The following RASGRP3 variants were observed in gnomAD, a reference collection of about 807,000 sequenced individuals.
RASGRP3 encodes the protein ras guanyl-releasing protein 3.
Under a neutral mutation model 82.7 loss-of-function variants are expected in RASGRP3, and 54 were observed. That is an observed-to-expected ratio of 0.65 (90% confidence interval 0.52 to 0.82). The LOEUF (loss-of-function observed/expected upper bound fraction) is 0.82, where lower values mean the gene tolerates loss of function less well. Ranked by LOEUF, RASGRP3 falls within the 40% of genes least tolerant of loss-of-function variation. The probability of loss-of-function intolerance (pLI) is 0.00; values close to 1 mark genes in which losing one functional copy is unlikely to be tolerated. For missense variants in RASGRP3, 861 were observed against 828.9 expected (o/e 1.04, Z -0.48); for synonymous variants, 309 against 300.5 (o/e 1.03, Z -0.29).
At chr2:33,507,845 G>T (rs946073657) in intron 1 of RASGRP3, among the ~76,000 whole-genome samples, 3 of 152,168 alleles carry the variant, frequency 2.0e-5, no homozygotes, top group Admixed American at 2.0e-4. Context: ...ATTTTTAAAA[G>T]ATTCTTTCAG....
chr2:33,534,495 C>T (rs572834776), intron 11 of RASGRP3, 95 bp downstream of exon 11: 156 of 843,894 alleles, frequency 1.8e-4, no homozygotes, highest in African/African-American at 1.8e-3. Context: ...TGTTCTAAAA[C>T]GGAAGAATTT....
rs1186156259 is a variant in RASGRP3 at position 33,551,626 on chromosome 2, C to T, written c.1542+1875C>T. On this transcript the variant is annotated intron_variant, in intron 14 of 17. Coordinates refer to ENST00000403687, the MANE Select transcript of RASGRP3 (RefSeq NM_001139488.2). ...CTGAGGCAGGGGTATAGCTTGAGCCCAAGAGTTCAACTCCAGCCTGGGCAA... is the reference window on the plus strand; with the variant it reads ...CTGAGGCAGGGGTATAGCTTGAGCCTAAGAGTTCAACTCCAGCCTGGGCAA... Among the ~76,000 whole-genome samples the T allele has an allele frequency of 2.0e-5, 3 of 151,828 alleles. No homozygotes were observed. The East Asian group carries it at 5.8e-4, about 29-fold the overall frequency.
intron 2 of RASGRP3, among the ~76,000 whole-genome samples, chr2:33,467,746 A>G (rs1237695053): frequency 1.3e-5 from 2 of 152,204 alleles, no homozygotes; most frequent in South Asian, 2.1e-4. Context: ...CAGTGCCTAT[A>G]TGAGATTGGT....
At chr2:33,449,039 A>G (rs956641706) in intron 2 of RASGRP3, among the ~76,000 whole-genome samples, 1 of 152,234 alleles carries the variant, frequency 6.6e-6, no homozygotes, top group Admixed American at 6.5e-5. Flanking sequence ...GAGATTAGAC[A>G]TGTTTTTCAA....
intron 1 of RASGRP3, among the ~76,000 whole-genome samples, chr2:33,509,037 T>C (rs1206790531): frequency 6.6e-6 from 1 of 152,196 alleles, no homozygotes; most frequent in Non-Finnish European, 1.5e-5. Context: ...GCACAGATCC[T>C]AGCTCCCATT....
chr2:33,541,102 T>C (rs562150824), intron 12 of RASGRP3, among the ~76,000 whole-genome samples: 25 of 147,424 alleles, frequency 1.7e-4, no homozygotes, highest in African/African-American at 5.8e-4. Context: ...TTTGTATACA[T>C]GTGTTTGCAG....
At chr2:33,560,073 T>A (rs972879450) in intron 17 of RASGRP3, among the ~76,000 whole-genome samples, 1 of 152,250 alleles carries the variant, frequency 6.6e-6, no homozygotes, top group African/African-American at 2.4e-5. Flanking sequence ...ATGTAATTCA[T>A]ATGCCATGAA....
intron 10 of RASGRP3, among the ~76,000 whole-genome samples, chr2:33,528,549 T>A (rs746162719): frequency 6.6e-6 from 1 of 152,242 alleles, no homozygotes; most frequent in Non-Finnish European, 1.5e-5. Context: ...GCTGCAATAC[T>A]GAATTAACTG....
chr2:33,478,349 A>T (rs892261871), intron 1 of RASGRP3, among the ~76,000 whole-genome samples: 1 of 152,112 alleles, frequency 6.6e-6, no homozygotes, highest in Admixed American at 6.6e-5. Flanking sequence ...GCCCGCGGCC[A>T]TGTGGTCTGT....
intron 1 of RASGRP3, among the ~76,000 whole-genome samples, chr2:33,479,411 A>G (rs900124097): frequency 1.3e-5 from 2 of 151,526 alleles, no homozygotes; most frequent in African/African-American, 4.9e-5. Flanking sequence ...GAGGACAGCC[A>G]CTCCACCCAT....
intron 2 of RASGRP3, among the ~76,000 whole-genome samples, chr2:33,456,762 G>T (rs1666062132): frequency 6.6e-6 from 1 of 152,144 alleles, no homozygotes; most frequent in South Asian, 2.1e-4. Context: ...TCACACACAG[G>T]CATAACTGGT....
intron 2 of RASGRP3, among the ~76,000 whole-genome samples, chr2:33,461,161 A>G (rs1666341988): frequency 1.3e-5 from 2 of 152,156 alleles, no homozygotes; most frequent in South Asian, 4.1e-4. Flanking sequence ...TTTTACCCCA[A>G]CCTAAACTTA....
rs542763144 is a variant in RASGRP3, at chr2:33,515,659, G to A, written c.70+453G>A. 1.8e-4 allele frequency among the ~76,000 whole-genome samples: 27 copies of A among 152,210 alleles called. No homozygotes were observed. In the South Asian group the frequency reaches 3.3e-3, roughly 19 times the overall value. On this transcript the variant is annotated intron_variant, in intron 3 of 17. Transcript: ENST00000403687. ...TTTGACTCAGTCTTTTGACTCAGAC[G>A]AATGTGAGTAGCACAATTGACTACA...
At chr2:33,534,610 C>T (rs977101911) in intron 11 of RASGRP3, among the ~76,000 whole-genome samples, 3 of 151,952 alleles carry the variant, frequency 2.0e-5, no homozygotes, top group African/African-American at 2.4e-5. Flanking sequence ...CTCACTGAAA[C>T]CTCCGCCTCC....
At chr2:33,451,556 G>C (rs182660400) in intron 2 of RASGRP3, among the ~76,000 whole-genome samples, 2 of 152,224 alleles carry the variant, frequency 1.3e-5, no homozygotes, top group Admixed American at 1.3e-4. Context: ...TTAAGTTTAA[G>C]TTTTTAATCT....
intron 13 of RASGRP3, among the ~76,000 whole-genome samples, chr2:33,548,439 T>G (rs1220493565): frequency 1.4e-5 from 2 of 147,872 alleles, no homozygotes; most frequent in Non-Finnish European, 3.0e-5. Context: ...AAGAAGGGGA[T>G]TTTTCAGGTA....
rs533993161 is a variant in RASGRP3 at position 33,511,007 on chromosome 2, A to G, written c.-260-703A>G. Among the ~76,000 whole-genome samples, 5 of 152,342 alleles carry G rather than the reference A, an allele frequency of 3.3e-5. 1 individual carries two copies. In the South Asian group the frequency reaches 8.3e-4, roughly 25 times the overall value. ...AGAGGCTTCACAAGTCATGTTAATGAACGTCCTTTTGCTACAAGAACATAT... is the reference window on the plus strand; with the variant it reads ...AGAGGCTTCACAAGTCATGTTAATGGACGTCCTTTTGCTACAAGAACATAT... On this transcript the variant is annotated intron_variant, in intron 1 of 17. Transcript: ENST00000403687.
intron 1 of RASGRP3, among the ~76,000 whole-genome samples, chr2:33,495,814 T>C (rs1669254213): frequency 6.6e-6 from 1 of 152,166 alleles, no homozygotes; most frequent in Non-Finnish European, 1.5e-5. Context: ...AAAAGGCACA[T>C]AGTGGGATGG....
Position 33,515,069 on chromosome 2 carries a change from C to T in RASGRP3, c.-68C>T. 2 of 1,463,526 alleles carry T rather than the reference C, an allele frequency of 1.4e-6. No individual in the cohort carries two copies. The highest frequency in any genetic ancestry group is 1.9e-6 in the Non-Finnish European group (2 of 1,043,038). 90.7% of individuals were successfully genotyped at this position (1,463,526 alleles called of 1,614,324 possible). A position where few individuals can be genotyped will look rare whatever the true frequency, so the allele number is the denominator to read the frequency against. ...ACTAGGCACTAACATCGCTGACTTG[C>T]ATGATTATGGAGATGGTCTATCTGA... On this transcript the variant is annotated 5_prime_UTR_variant, in exon 3 of 18. Coordinates refer to ENST00000403687, the MANE Select transcript of RASGRP3 (RefSeq NM_001139488.2).
Sources: gnomAD v4.1 joint callset for allele counts (sites outside exome capture counted in the v4.1 genomes callset) on GRCh38, gnomAD v4.1.1 for gene constraint, MANE v1.5 for transcripts, NCBI Gene and HGNC (gene_info 2026-07-23, HGNC 2026-07-21) for gene names.